The following NOL10 variants were observed in gnomAD, a reference collection of about 807,000 sequenced individuals.
NOL10 encodes nucleolar protein 10, also known as H_NH0074G24.1.
NOL10 carries 58 observed loss-of-function variants against 103.5 expected under a neutral mutation model. The observed-to-expected ratio is 0.56, with a 90% CI of 0.45 to 0.70. The LOEUF is 0.70. NOL10 is among the 30% of genes least tolerant of loss of function. NOL10 has a pLI of 0.00. For missense variants in NOL10, 763 were observed against 807.3 expected, an observed-to-expected ratio of 0.95 and a Z score of 0.67; for synonymous variants, 287 against 282.5, an observed-to-expected ratio of 1.02 and a Z score of -0.16.
intron 20 of NOL10, among the ~76,000 whole-genome samples, chr2:10,573,805 C>G (rs543738316): frequency 6.6e-6 from 1 of 152,136 alleles, no homozygotes; most frequent in Non-Finnish European, 1.5e-5. Flanking sequence ...TTCTGAAGTG[C>G]GTCCCAAACT....
At chr2:10,664,722 G>C (rs748515117) in intron 8 of NOL10, among the ~76,000 whole-genome samples, 3 of 152,148 alleles carry the variant, frequency 2.0e-5, no homozygotes, top group Non-Finnish European at 4.4e-5. Context: ...TTTTGGTAGA[G>C]AAGAGGTGTC....
chr2:10,615,648 C>T (rs1676794899), intron 13 of NOL10, among the ~76,000 whole-genome samples: 1 of 152,144 alleles, frequency 6.6e-6, no homozygotes, highest in Non-Finnish European at 1.5e-5. Context: ...GAAGAAGATG[C>T]AGTAATTTAA....
At chr2:10,606,571 G>A (rs1217420301) in intron 14 of NOL10, among the ~76,000 whole-genome samples, 2 of 140,468 alleles carry the variant, frequency 1.4e-5, no homozygotes, top group Non-Finnish European at 3.0e-5. Flanking sequence ...TTGGGCCACT[G>A]CACTGCAGCC....
chr2:10,644,224 G>A (rs937841247), intron 13 of NOL10, 96 bp downstream of exon 13: 25 of 889,120 alleles, frequency 2.8e-5, no homozygotes, highest in African/African-American at 2.7e-4. Context: ...CCCCAGCATC[G>A]GTGATCGCCA....
rs765668390 is a variant in NOL10 at position 10,657,738 on chromosome 2, A to C, written c.906+4T>G. 11 of 1,548,648 alleles carry C rather than the reference A, an allele frequency of 7.1e-6. No individual in the cohort carries two copies. The African/African-American group carries it at 1.2e-4, about 17-fold the overall frequency. On this transcript the variant is annotated splice_donor_region_variant and intron_variant, in intron 11 of 20. Transcript: ENST00000381685. ...AGCAAGTAATTTCAACCAAAAATAC[A>C]TACGGAGTTCTTATTCCACATCTTG... is the stretch of plus-strand genomic sequence containing the variant.
intron 11 of NOL10, 30 bp downstream of exon 11, chr2:10,657,712 A>C (rs999714451): frequency 1.9e-5 from 29 of 1,536,172 alleles, no homozygotes; most frequent in East Asian, 1.2e-4. Context: ...GCAAATAAAG[A>C]AGCAAGTAAT....
chr2:10,623,850 C>T (rs1426731347), intron 13 of NOL10, among the ~76,000 whole-genome samples: 5 of 152,160 alleles, frequency 3.3e-5, no homozygotes, highest in Non-Finnish European at 5.9e-5. Context: ...ATACTATACG[C>T]TATAAATCGA....
intron 13 of NOL10, among the ~76,000 whole-genome samples, chr2:10,635,676 G>C (rs922006611): frequency 2.6e-5 from 4 of 152,170 alleles, no homozygotes; most frequent in Admixed American, 1.3e-4. Context: ...CCCTCACCTA[G>C]ATTGTAAGCT....
chr2:10,589,238 C>T lies in NOL10; in HGVS notation c.1649G>A (p.Ser550Asn), dbSNP rs1373080489. The T allele has an allele frequency of 6.2e-7, 1 of 1,613,932 alleles. No individual in the cohort carries two copies. Among genetic ancestry groups the T allele is most frequent in the Non-Finnish European group, 8.5e-7 (1 of 1,179,870 alleles). The change falls in exon 19 of 21, where the codon AGT becomes AAT. Residue 550 changes from serine to asparagine, a missense_variant. Transcript: ENST00000381685. The stretch of plus-strand genomic sequence containing the variant: ...AACCCAGGCTTTTTCATCATCTGAA[C>T]TCTCCGAACTTTCTGCATCACTTGG... ...GKPSDAESSE[S>N]SDDEKAWVEE...
At chr2:10,638,577 C>T (rs1450414101) in intron 13 of NOL10, among the ~76,000 whole-genome samples, 1 of 144,694 alleles carries the variant, frequency 6.9e-6, no homozygotes, top group Non-Finnish European at 1.5e-5. Context: ...CTGCAACCTC[C>T]GCTTCCCAGG....
chr2:10,619,228 C>G (rs571913167), intron 13 of NOL10, among the ~76,000 whole-genome samples: 26 of 98,534 alleles, frequency 2.6e-4, no homozygotes, highest in African/African-American at 1.3e-3. Context: ...CTCACTGCAG[C>G]CTTGATCACG....
At chr2:10,615,139 G>A (rs1676766247) in intron 13 of NOL10, among the ~76,000 whole-genome samples, 1 of 152,122 alleles carries the variant, frequency 6.6e-6, no homozygotes, top group Non-Finnish European at 1.5e-5. Flanking sequence ...AAGTTTACAT[G>A]CATTTGTGTG....
intron 8 of NOL10, among the ~76,000 whole-genome samples, chr2:10,665,570 TC>T (rs1315655851): frequency 6.6e-6 from 1 of 152,206 alleles, no homozygotes; most frequent in Non-Finnish European, 1.5e-5. Context: ...TCTTTGAGCA[TC>T]CCTACCTCCT....
At chr2:10,595,589 TTTTGTTTTGTTTTTGTTTG>T (rs1224809011) in intron 17 of NOL10, among the ~76,000 whole-genome samples, 5,142 of 78,520 alleles carry the variant, frequency 0.065, 197 homozygotes, top group African/African-American at 0.12. Context: ...TGTTTTTTTG[TTTTGTTTTGTTTTTGTTTG>T]TTTGTTTGTT....
At chr2:10,582,035 A>G (rs1344876638) in intron 19 of NOL10, among the ~76,000 whole-genome samples, 1 of 152,222 alleles carries the variant, frequency 6.6e-6, no homozygotes, top group Non-Finnish European at 1.5e-5. Context: ...ACATGCCTAC[A>G]TAGTACTGAG....
In NOL10 at chr2:10,668,914, T is replaced by C. The variant is rs150967926; in HGVS notation, c.465-191A>G. Among the ~76,000 whole-genome samples, 381 of 152,226 alleles carry C rather than the reference T, an allele frequency of 2.5e-3. 4 individuals carry two copies. Among genetic ancestry groups the C allele is most frequent in the African/African-American group, 8.6e-3 (359 of 41,542 alleles). Reference sequence around the variant, plus strand: ...TCATGTATAAAAGTGATTTAAACCATTCATGTGCCAAGGAAATATGAAGTC... The same window carrying C: ...TCATGTATAAAAGTGATTTAAACCACTCATGTGCCAAGGAAATATGAAGTC... On this transcript the variant is annotated intron_variant, in intron 6 of 20. Transcript: ENST00000381685.
At chr2:10,607,112 C>A in intron 14 of NOL10, 73 bp downstream of exon 14, 1 of 1,044,356 alleles carries the variant, frequency 9.6e-7, no homozygotes. Flanking sequence ...TCAGCCAATT[C>A]TCATGTTCAA....
At chr2:10,597,637 T>C (rs572441652) in intron 17 of NOL10, among the ~76,000 whole-genome samples, 3 of 152,306 alleles carry the variant, frequency 2.0e-5, no homozygotes, top group South Asian at 2.1e-4. Flanking sequence ...AGACCATATA[T>C]AAATATTTCT....
chr2:10,648,134 C>A (rs1240183694), intron 12 of NOL10, among the ~76,000 whole-genome samples: 3 of 152,214 alleles, frequency 2.0e-5, no homozygotes, highest in Admixed American at 6.5e-5. Context: ...GCCATAGGAG[C>A]AGGGCCCTGA....
Sources: allele counts gnomAD v4.1 joint callset (sites outside exome capture counted in the v4.1 genomes callset), GRCh38; gene constraint gnomAD v4.1.1; transcripts MANE v1.5; gene names NCBI Gene and HGNC (gene_info 2026-07-23, HGNC 2026-07-21).